PLEKHD1: variants seen among roughly 807,000 people sequenced by gnomAD.
The protein encoded by PLEKHD1 is pleckstrin homology and coiled-coil domain containing D1, also known as pleckstrin homology domain-containing family D member 1.
A neutral mutation model predicts 69.2 loss-of-function variants in PLEKHD1; 51 were observed. That is an observed-to-expected ratio of 0.74 (90% confidence interval 0.59 to 0.93). The LOEUF is 0.93. PLEKHD1 is among the 40% of genes least tolerant of loss of function. PLEKHD1 has a pLI of 0.00. For synonymous variants in PLEKHD1, 236 were observed against 244.7 expected (o/e 0.96, Z 0.33); for missense variants, 584 against 641.0 (o/e 0.91, Z 0.96).
rs764349927 is a variant in PLEKHD1, at chr14:69,526,833, C to A, written c.1056+4C>A. 1.3e-6 allele frequency: 2 copies of A among 1,534,386 alleles called. No homozygotes were observed. Among genetic ancestry groups the A allele is most frequent in the East Asian group, 2.5e-5 (1 of 40,720 alleles). ...GCAGGCTGAGCGGGAGCTCAAGGTG[C>A]GACCTGGCCTGCTGGTGCCAGGGCC... is the stretch of plus-strand genomic sequence containing the variant. On this transcript the variant is annotated splice_donor_region_variant and intron_variant, in intron 10 of 12. Transcript: ENST00000322564.
chr14:69,499,544 A>G (rs1882974688), intron 1 of PLEKHD1, among the ~76,000 whole-genome samples: 1 of 152,220 alleles, frequency 6.6e-6, no homozygotes, highest in Non-Finnish European at 1.5e-5. Flanking sequence ...CCAAAGTCAC[A>G]GAGCCCTCAG....
At chr14:69,468,941 G>C in the PLEKHD1 span, among the ~76,000 whole-genome samples, 1 of 152,280 alleles carries the variant, frequency 6.6e-6, no homozygotes, top group African/African-American at 2.4e-5. Flanking sequence ...TTGTTAAATG[G>C]AATTTTTCAA....
chr14:69,506,795 C>T (rs1163562596), intron 6 of PLEKHD1, among the ~76,000 whole-genome samples: 3 of 149,572 alleles, frequency 2.0e-5, no homozygotes, highest in Non-Finnish European at 4.4e-5. Flanking sequence ...TTTTGGCAAA[C>T]GTATAACAAT....
Sources: gnomAD v4.1 joint callset for allele counts (sites outside exome capture counted in the v4.1 genomes callset) on GRCh38, gnomAD v4.1.1 for gene constraint, MANE v1.5 for transcripts, NCBI Gene and HGNC (gene_info 2026-07-23, HGNC 2026-07-21) for gene names.